The following KCNG4 variants were observed in gnomAD, a reference collection of about 807,000 sequenced individuals.
KCNG4 encodes potassium voltage-gated channel modifier subfamily G member 4.
In KCNG4, 30 loss-of-function variants were observed where a neutral mutation model predicts 28.2. That is an observed-to-expected ratio of 1.06 (90% CI 0.80 to 1.44). The LOEUF (loss-of-function observed/expected upper bound fraction) is 1.44. KCNG4 is among the 40% of genes most tolerant of loss of function. KCNG4 has a pLI of 0.00. For synonymous variants in KCNG4, 375 were observed against 315.5 expected (o/e 1.19, Z -2.00); for missense variants, 879 against 712.3 (o/e 1.23, Z -2.66).
Position 84,236,804 on chromosome 16 carries a change from T to G in KCNG4, c.682A>C (p.Ile228Leu). ...LPGKVFACLS[I>L]LFVATTAVSL... ...ACGGCTGTGGTGGCCACGAAGAGGA[T>G]GGAGAGGCAAGCGAAGACCTTCCCG... The change falls in exon 2 of 3, where the codon ATC becomes CTC. Residue 228 changes from isoleucine to leucine, a missense_variant. Coordinates refer to ENST00000308251, the MANE Select transcript of KCNG4 (RefSeq NM_172347.3). The G allele has an allele frequency of 6.2e-7, 1 of 1,613,724 alleles. No homozygotes were observed. Among genetic ancestry groups the G allele is most frequent in the African/African-American group, 1.3e-5 (1 of 75,036 alleles).
intron 1 of KCNG4, among the ~76,000 whole-genome samples, chr16:84,238,216 A>C (rs949448241): frequency 2.0e-5 from 3 of 152,164 alleles, no homozygotes; most frequent in African/African-American, 7.2e-5. Flanking sequence ...TAAGAGCTCC[A>C]CTTTATAGAT....
chr16:84,236,274 G>A, intron 2 of KCNG4: 1 of 184,910 alleles, frequency 5.4e-6, no homozygotes, highest in Non-Finnish European at 1.1e-5. Context: ...TTTTTGACCT[G>A]CTCTAGGGCT....
In KCNG4 at chr16:84,222,230, A is replaced by G. The variant is rs1453193588; in HGVS notation, c.1547T>C (p.Ile516Thr). 1 of 1,614,038 alleles carries G rather than the reference A, an allele frequency of 6.2e-7. No individual in the cohort carries two copies. Among genetic ancestry groups the G allele is most frequent in the Admixed American group, 1.7e-5 (1 of 60,006 alleles). Reference sequence around the variant, plus strand: ...GGGGGTGCTGAGTTACATGTGCATGATAGGCAAGGCTGGGCCCTCCAGGAT... The same window carrying G: ...GGGGGTGCTGAGTTACATGTGCATGGTAGGCAAGGCTGGGCCCTCCAGGAT... ...DLILEGPALP[I>T]MHM Residue 516 changes from isoleucine to threonine, a missense_variant, in exon 3 of 3, where the codon ATC (isoleucine) becomes ACC (threonine). Ile to Thr is a moderately conservative substitution (Grantham distance 89, BLOSUM62 -1). Transcript: ENST00000308251.
chr16:84,227,801 G>A (rs928516151), intron 2 of KCNG4, among the ~76,000 whole-genome samples: 2 of 152,184 alleles, frequency 1.3e-5, no homozygotes, highest in African/African-American at 2.4e-5. Flanking sequence ...ACACGATGCT[G>A]AGTGAAAAGA....
At position 84,237,360 on chromosome 16, in the gene KCNG4, C is replaced by T; in HGVS notation, c.126G>A (p.Arg42=). 6.4e-7 allele frequency: 1 copy of T among 1,555,672 alleles called. No homozygotes were observed. The highest frequency in any genetic ancestry group is 8.7e-7 in the Non-Finnish European group (1 of 1,152,468). ...ETPSIKGLYY[R]RVRKVGALDA... is the part of the protein sequence containing the mutation. ...CCAGGGCACCCACCTTCCGCACCCT[C>T]CGGTAGTAAAGGCCCTTGATGGACG... The change falls in exon 2 of 3, where the codon CGG becomes CGA. Residue 42 remains arginine (R), a synonymous_variant. Coordinates refer to ENST00000308251, the MANE Select transcript of KCNG4 (RefSeq NM_172347.3).
At chr16:84,238,767 C>G (rs1180935071) in intron 1 of KCNG4, among the ~76,000 whole-genome samples, 1 of 152,116 alleles carries the variant, frequency 6.6e-6, no homozygotes, top group East Asian at 1.9e-4. Context: ...ACTCGGGAGG[C>G]TGAGGCAGGA....
Position 84,226,126 on chromosome 16 carries a change from C to A in KCNG4, c.757-3106G>T, listed in dbSNP as rs34306852. On this transcript the variant is annotated intron_variant, in intron 2 of 2. Coordinates refer to ENST00000308251, the MANE Select transcript of KCNG4 (RefSeq NM_172347.3). This position sits in a 1 kb window ranked among gnomAD's most constrained non-coding sequence, Gnocchi z 4.1. ...TTGGTCACCCTATTCCTAGCCCTTG[C>A]CACAGGCAGAGCGAGGTGTGTTCTG... Among the ~76,000 whole-genome samples the A allele has an allele frequency of 1.3e-5, 2 of 152,162 alleles. No individual in the cohort carries two copies. Among genetic ancestry groups the A allele is most frequent in the Non-Finnish European group, 2.9e-5 (2 of 68,030 alleles).
chr16:84,223,024 C>T lies in KCNG4; in HGVS notation c.757-4G>A, dbSNP rs111523042. On this transcript the variant is annotated splice_polypyrimidine_tract_variant and splice_region_variant and intron_variant, in intron 2 of 2. Coordinates refer to ENST00000308251, the MANE Select transcript of KCNG4 (RefSeq NM_172347.3). ...AGCACTTCCGAGAGCATTCGCCCTGCGGGGAGAAGAGGCAACAACGCGGGG... is the reference window on the plus strand; with the variant it reads ...AGCACTTCCGAGAGCATTCGCCCTGTGGGGAGAAGAGGCAACAACGCGGGG... 2.0e-5 allele frequency: 30 copies of T among 1,516,712 alleles called. No homozygotes were observed. Among genetic ancestry groups the T allele is most frequent in the African/African-American group, 9.8e-5 (7 of 71,698 alleles). 94.0% of individuals were successfully genotyped at this position (1,516,712 alleles called of 1,614,324 possible). A position where few individuals can be genotyped will look rare whatever the true frequency, so the allele number is the denominator to read the frequency against.
Position 84,221,720 on chromosome 16 carries a change from C to T in KCNG4, c.*497G>A. ...GCAGAAGGAGAACATATTGATCCCT[C>T]TGGAACCCGTGGAAAGGTTGGGTGG... On this transcript the variant is annotated 3_prime_UTR_variant, in exon 3 of 3. Coordinates refer to ENST00000308251, the MANE Select transcript of KCNG4 (RefSeq NM_172347.3). 1 of 160,796 alleles carries T rather than the reference C, an allele frequency of 6.2e-6. No individual in the cohort carries two copies. The highest frequency in any genetic ancestry group is 5.8e-5 in the Admixed American group (1 of 17,334). 10.0% of individuals were successfully genotyped at this position (160,796 alleles called of 1,614,324 possible).
Position 84,232,896 on chromosome 16 carries a change from C to CAAAAAA in KCNG4, c.756+3828_756+3833dup, listed in dbSNP as rs60683135. On this transcript the variant is annotated intron_variant, in intron 2 of 2. Coordinates refer to ENST00000308251, the MANE Select transcript of KCNG4 (RefSeq NM_172347.3). ...CCTGGGGGACAGAGTGAAACCCTAT[C>CAAAAAA]AAAAAAAAAAAAAAAAAAAATAGAG... is the stretch of plus-strand genomic sequence containing the variant. 1.0e-4 allele frequency among the ~76,000 whole-genome samples: 11 copies of CAAAAAA among 107,972 alleles called. 1 individual carries two copies. Among genetic ancestry groups the CAAAAAA allele is most frequent in the East Asian group, 2.6e-4 (1 of 3,836 alleles). The allele number at this position is 107,972 out of a possible 152,430, so 70.8% of individuals were successfully genotyped here. A position where few individuals can be genotyped will look rare whatever the true frequency, so the allele number is the denominator to read the frequency against.
chr16:84,233,029 G>A (rs1904863084), intron 2 of KCNG4, among the ~76,000 whole-genome samples: 2 of 152,150 alleles, frequency 1.3e-5, no homozygotes, highest in Admixed American at 1.3e-4. Flanking sequence ...TTGAAGGATG[G>A]TAAAGGATGA....
At chr16:84,230,174 G>T (rs1425748134) in intron 2 of KCNG4, among the ~76,000 whole-genome samples, 1 of 152,296 alleles carries the variant, frequency 6.6e-6, no homozygotes, top group Non-Finnish European at 1.5e-5. Context: ...GGAGGCGAAG[G>T]CTAGTGGATC....
chr16:84,222,969 C>T lies in KCNG4; in HGVS notation c.808G>A (p.Val270Met), dbSNP rs537957795. ...YYIFIVETICVAWFSLEFCLR... is the reference protein window; with the variant it reads ...YYIFIVETICMAWFSLEFCLR... ...CAGAACTCCAGGGAGAACCAGGCCA[C>T]GCAGATGGTCTCCACGATGAAAATA... The change falls in exon 3 of 3, where the codon GTG (valine) becomes ATG (methionine). Residue 270 changes from valine (V) to methionine (M), a missense_variant. Val to Met is a conservative substitution (Grantham distance 21). Coordinates refer to ENST00000308251, the MANE Select transcript of KCNG4 (RefSeq NM_172347.3). 49 of 1,556,682 alleles carry T rather than the reference C, an allele frequency of 3.1e-5. No individual in the cohort carries two copies. The highest frequency in any genetic ancestry group is 1.7e-4 in the Middle Eastern group (1 of 5,758).
At position 84,236,786 on chromosome 16, in the gene KCNG4, TG is replaced by T. The variant is rs1904963098; in HGVS notation, c.699del (p.Thr234GlnfsTer62). On this transcript the variant is annotated frameshift_variant, in exon 2 of 3. Coordinates refer to ENST00000308251, the MANE Select transcript of KCNG4 (RefSeq NM_172347.3). LOFTEE classifies it high-confidence loss of function. ...GTGCTGACACACAGGCTGACGGCTG[TG>T]GTGGCCACGAAGAGGATGGAGAGGC... ...FACLSILFVA[T>X]TAVSLCVSTM... 1 of 1,613,650 alleles carries T rather than the reference TG, an allele frequency of 6.2e-7. No homozygotes were observed. Among genetic ancestry groups the T allele is most frequent in the Non-Finnish European group, 8.5e-7 (1 of 1,180,032 alleles).
Position 84,222,628 on chromosome 16 carries a change from G to C in KCNG4, c.1149C>G (p.Thr383=). The change falls in exon 3 of 3, where the codon ACC becomes ACG. Residue 383 remains threonine, a synonymous_variant. Coordinates refer to ENST00000308251, the MANE Select transcript of KCNG4 (RefSeq NM_172347.3). The stretch of plus-strand genomic sequence containing the variant: ...CCACGTAGACCAAAGGGGAGAAGAG[G>C]GTGATGGCCACGGCCAGGAAGAGAA... ...LLLLFLAVAI[T]LFSPLVYVAE... 1 of 1,613,374 alleles carries C rather than the reference G, an allele frequency of 6.2e-7. No individual in the cohort carries two copies. The highest frequency in any genetic ancestry group is 1.3e-5 in the African/African-American group (1 of 75,060).
At chr16:84,227,475 G>A (rs1055183693) in intron 2 of KCNG4, among the ~76,000 whole-genome samples, 4 of 152,204 alleles carry the variant, frequency 2.6e-5, no homozygotes, top group African/African-American at 7.2e-5. Context: ...TACTCGGGAG[G>A]CTGAGGCAGG....
rs1486122664 is a variant in KCNG4, at chr16:84,237,774, T to C, written c.-40-249A>G. ...ACATCTCAGAAGGATGTCTCCAGAA[T>C]AGACGTTGCACGGATGGGGGCTTGA... is the stretch of plus-strand genomic sequence containing the variant. On this transcript the variant is annotated intron_variant, in intron 1 of 2. Transcript: ENST00000308251. Among the ~76,000 whole-genome samples the C allele has an allele frequency of 5.3e-5, 8 of 152,140 alleles. No homozygotes were observed. The East Asian group carries it at 1.3e-3, about 26-fold the overall frequency.
chr16:84,231,252 G>T (rs1053340185), intron 2 of KCNG4, among the ~76,000 whole-genome samples: 1 of 152,208 alleles, frequency 6.6e-6, no homozygotes, highest in Non-Finnish European at 1.5e-5. Context: ...AGAAAGAAAA[G>T]GACTTGTCCA....
At chr16:84,230,849 T>C (rs1904811170) in intron 2 of KCNG4, among the ~76,000 whole-genome samples, 1 of 152,154 alleles carries the variant, frequency 6.6e-6, no homozygotes, top group African/African-American at 2.4e-5. Context: ...AGGAGAACAG[T>C]GGGAAGGCCG....
Sources: allele counts gnomAD v4.1 joint callset (sites outside exome capture counted in the v4.1 genomes callset), GRCh38; gene constraint gnomAD v4.1.1; non-coding constraint Gnocchi (gnomAD v3.1); transcripts MANE v1.5; gene names NCBI Gene and HGNC (gene_info 2026-07-23, HGNC 2026-07-21).